The following SGCZ variants were observed in gnomAD, a reference collection of about 807,000 sequenced individuals.
SGCZ encodes sarcoglycan zeta, also known as zeta-sarcoglycan.
In SGCZ, 40 loss-of-function variants were observed where a neutral mutation model predicts 41.3. That is an observed-to-expected ratio of 0.97 (90% CI 0.75 to 1.26). SGCZ has a LOEUF of 1.26. Ranked by LOEUF, SGCZ falls within the 50% of genes most tolerant of loss-of-function variation. The probability of loss-of-function intolerance (pLI) is 0.00; values close to 1 mark genes in which losing one functional copy is unlikely to be tolerated. For missense variants in SGCZ, 552 were observed against 369.8 expected, an observed-to-expected ratio of 1.49 and a Z score of -4.04; for synonymous variants, 206 against 137.5, an observed-to-expected ratio of 1.50 and a Z score of -3.49.
intron 1 of SGCZ, among the ~76,000 whole-genome samples, chr8:15,138,257 T>A (rs1808188326): frequency 6.6e-6 from 1 of 152,284 alleles, no homozygotes; most frequent in South Asian, 2.1e-4. Context: ...AAGAAGTAAC[T>A]AACTTGTTTT....
At chr8:14,804,753 G>C (rs1801464824) in intron 1 of SGCZ, among the ~76,000 whole-genome samples, 1 of 102,254 alleles carries the variant, frequency 9.8e-6, no homozygotes, top group South Asian at 4.2e-4. Flanking sequence ...TCCTCGAGAA[G>C]AGCAACTCCA....
chr8:14,342,111 T>C (rs944171690), intron 2 of SGCZ, among the ~76,000 whole-genome samples: 1 of 152,090 alleles, frequency 6.6e-6, no homozygotes, highest in African/African-American at 2.4e-5. Context: ...TTGAATGGCT[T>C]TGCCCAAATG....
chr8:14,507,870 C>G (rs1369074122), intron 2 of SGCZ, among the ~76,000 whole-genome samples: 1 of 150,842 alleles, frequency 6.6e-6, no homozygotes, highest in Non-Finnish European at 1.5e-5. Context: ...CTCCCAGATT[C>G]AAAGGATTCT....
At chr8:15,149,679 C>T (rs563551088) in intron 1 of SGCZ, among the ~76,000 whole-genome samples, 4 of 143,600 alleles carry the variant, frequency 2.8e-5, no homozygotes, top group African/African-American at 8.1e-5. Context: ...AAAACAGTCA[C>T]CTTTAACGAC....
At chr8:14,266,251 G>C (rs917021525) in intron 3 of SGCZ, among the ~76,000 whole-genome samples, 4 of 151,992 alleles carry the variant, frequency 2.6e-5, no homozygotes, top group Admixed American at 2.6e-4. Context: ...CATTACTATG[G>C]GGCAGGGATG....
At chr8:14,872,651 C>A (rs1449590328) in intron 1 of SGCZ, among the ~76,000 whole-genome samples, 2 of 151,988 alleles carry the variant, frequency 1.3e-5, no homozygotes, top group Non-Finnish European at 2.9e-5. Context: ...TTCAACATAA[C>A]CTAAAGGCAC....
intron 3 of SGCZ, among the ~76,000 whole-genome samples, chr8:14,275,152 T>C (rs1800186886): frequency 6.6e-6 from 1 of 152,152 alleles, no homozygotes; most frequent in Non-Finnish European, 1.5e-5. Context: ...GCCAGGTCTC[T>C]CGACTCAGTC....
chr8:14,173,291 T>C (rs1804444989), intron 4 of SGCZ, among the ~76,000 whole-genome samples: 1 of 151,890 alleles, frequency 6.6e-6, no homozygotes, highest in South Asian at 2.1e-4. Flanking sequence ...CCAGATTTGC[T>C]CCATATGCTA....
Position 14,114,741 on chromosome 8 carries a change from G to A in SGCZ, c.548-6506C>T, listed in dbSNP as rs75030323. 5.4e-3 allele frequency among the ~76,000 whole-genome samples: 817 copies of A among 152,032 alleles called. 7 individuals are homozygous for A. The highest frequency in any genetic ancestry group is 0.019 in the African/African-American group (792 of 41,532). Reference sequence around the variant, plus strand: ...AAGTTGTTTGTTACTAATGAAATTAGACTAAAATATATCAGCACTGGAAAC... The same window carrying A: ...AAGTTGTTTGTTACTAATGAAATTAAACTAAAATATATCAGCACTGGAAAC... On this transcript the variant is annotated intron_variant, in intron 5 of 7. Transcript: ENST00000382080.
intron 2 of SGCZ, among the ~76,000 whole-genome samples, chr8:14,410,020 C>G (rs1425496885): frequency 1.3e-5 from 2 of 152,092 alleles, no homozygotes; most frequent in Admixed American, 6.6e-5. Flanking sequence ...AGGAACCTAG[C>G]CACATAGCAG....
intron 1 of SGCZ, among the ~76,000 whole-genome samples, chr8:14,600,445 C>G (rs1417587688): frequency 1.3e-5 from 2 of 152,172 alleles, no homozygotes; most frequent in African/African-American, 2.4e-5. Context: ...TTATTCTACA[C>G]AGAGGGGAGA....
chr8:14,353,667 A>G (rs974065757), intron 2 of SGCZ, among the ~76,000 whole-genome samples: 2 of 152,076 alleles, frequency 1.3e-5, no homozygotes, highest in African/African-American at 4.8e-5. Flanking sequence ...CTATCAGACA[A>G]AAATTACCTG....
At chr8:14,892,665 T>C (rs1805058412) in intron 1 of SGCZ, among the ~76,000 whole-genome samples, 1 of 152,142 alleles carries the variant, frequency 6.6e-6, no homozygotes, top group African/African-American at 2.4e-5. Flanking sequence ...TGTTTATACA[T>C]CAAACTTCCA....
At chr8:14,767,628 T>C (rs1585243376) in intron 1 of SGCZ, among the ~76,000 whole-genome samples, 1 of 152,170 alleles carries the variant, frequency 6.6e-6, no homozygotes, top group African/African-American at 2.4e-5. Context: ...TTCTCTTTAT[T>C]TCAAACGAAA....
chr8:14,223,100 G>A (rs77569613), intron 4 of SGCZ, among the ~76,000 whole-genome samples: 36,260 of 151,672 alleles, frequency 0.24, 5,579 homozygotes, highest in Non-Finnish European at 0.34. Flanking sequence ...TTGAGCCATT[G>A]CCCCCGGCCC....
intron 3 of SGCZ, among the ~76,000 whole-genome samples, chr8:14,264,084 C>G (rs990172547): frequency 6.6e-6 from 1 of 152,170 alleles, no homozygotes; most frequent in Admixed American, 6.5e-5. Context: ...CCAGCACTAC[C>G]CAGTGGTTTA....
intron 1 of SGCZ, among the ~76,000 whole-genome samples, chr8:15,020,650 T>C (rs1445395503): frequency 1.3e-5 from 2 of 152,206 alleles, no homozygotes; most frequent in Non-Finnish European, 2.9e-5. Context: ...ATAACTGGCA[T>C]GCTCCTTTCT....
chr8:14,660,561 A>C (rs561701502), intron 1 of SGCZ, among the ~76,000 whole-genome samples: 1 of 126,348 alleles, frequency 7.9e-6, no homozygotes, highest in South Asian at 2.5e-4. Context: ...ACAGAGCAAA[A>C]ACTCCATCTC....
chr8:15,167,179 G>C (rs989157919), intron 1 of SGCZ, among the ~76,000 whole-genome samples: 6 of 152,154 alleles, frequency 3.9e-5, no homozygotes, highest in African/African-American at 1.4e-4. Context: ...GTGGCAATAA[G>C]GCTATTTGCA....
Sources: allele counts gnomAD v4.1 joint callset (sites outside exome capture counted in the v4.1 genomes callset), GRCh38; gene constraint gnomAD v4.1.1; transcripts MANE v1.5; gene names NCBI Gene and HGNC (gene_info 2026-07-23, HGNC 2026-07-21).